Variants in SYT1 observed in about 807,000 individuals in gnomAD.
SYT1 encodes the protein synaptotagmin 1.
A neutral mutation model predicts 44.8 loss-of-function variants in SYT1; 8 were observed. That is an observed-to-expected ratio of 0.18 (90% CI 0.10 to 0.32). SYT1 has a LOEUF of 0.32. Ranked by LOEUF, SYT1 falls within the 10% of genes least tolerant of loss-of-function variation. The pLI is 1.00. For synonymous variants in SYT1, 154 were observed against 188.8 expected (o/e 0.82, Z 1.51); for missense variants, 286 against 509.3 (o/e 0.56, Z 4.22).
chr12:79,338,321 G>A (rs1383068352), intron 8 of SYT1, among the ~76,000 whole-genome samples: 2 of 148,956 alleles, frequency 1.3e-5, no homozygotes, highest in Non-Finnish European at 3.0e-5. Flanking sequence ...CTGTCACCCA[G>A]GCTGGAGGGC....
chr12:79,044,792 A>G (rs1309259011), intron 2 of SYT1, among the ~76,000 whole-genome samples: 1 of 149,210 alleles, frequency 6.7e-6, no homozygotes, highest in Non-Finnish European at 1.5e-5. Flanking sequence ...ATGGTGATGT[A>G]CAGATGGGTT....
chr12:79,172,390 A>C (rs571311357), intron 3 of SYT1, among the ~76,000 whole-genome samples: 2 of 152,148 alleles, frequency 1.3e-5, no homozygotes, highest in African/African-American at 4.8e-5. Flanking sequence ...TGGGACACAG[A>C]GTAAAATTAT....
At chr12:79,440,949 GGACGA>G (rs2136195939) in intron 9 of SYT1, among the ~76,000 whole-genome samples, 1 of 152,264 alleles carries the variant, frequency 6.6e-6, no homozygotes, top group South Asian at 2.1e-4. Context: ...CCCAAGTTCA[GGACGA>G]GACTTCAATA....
At chr12:79,424,912 C>T (rs1370730684) in intron 9 of SYT1, among the ~76,000 whole-genome samples, 3 of 141,586 alleles carry the variant, frequency 2.1e-5, no homozygotes, top group Non-Finnish European at 3.1e-5. Context: ...TTTTCAGCTG[C>T]TGCCCTTTTT....
chr12:79,222,619 G>T (rs1215895723), intron 4 of SYT1, among the ~76,000 whole-genome samples: 4 of 152,112 alleles, frequency 2.6e-5, no homozygotes, highest in African/African-American at 9.7e-5. Flanking sequence ...CTGACCTCGG[G>T]TGATCCACCC....
At chr12:78,889,332 A>G (rs979963892) in intron 1 of SYT1, among the ~76,000 whole-genome samples, 1 of 151,940 alleles carries the variant, frequency 6.6e-6, no homozygotes, top group Non-Finnish European at 1.5e-5. Context: ...TGAGACTCCA[A>G]AAAAGTTAAG....
At chr12:79,216,501 C>T (rs1478097536) in intron 3 of SYT1, among the ~76,000 whole-genome samples, 2 of 152,262 alleles carry the variant, frequency 1.3e-5, no homozygotes, top group East Asian at 3.9e-4. Flanking sequence ...ACCTTCCTTA[C>T]ATTTGTACCT....
chr12:79,403,327 A>G (rs148268824), intron 9 of SYT1, among the ~76,000 whole-genome samples: 67 of 152,278 alleles, frequency 4.4e-4, no homozygotes, highest in African/African-American at 1.5e-3. Context: ...GGCTCATTCA[A>G]TTTTAGAGTT....
intron 3 of SYT1, among the ~76,000 whole-genome samples, chr12:79,191,109 A>ATG (rs1008775353): frequency 1.3e-5 from 2 of 151,302 alleles, no homozygotes; most frequent in African/African-American, 4.9e-5. Context: ...AAATATATAT[A>ATG]TATGTATAAA....
intron 3 of SYT1, among the ~76,000 whole-genome samples, chr12:79,090,565 G>T (rs373431917): frequency 6.6e-6 from 1 of 151,952 alleles, no homozygotes; most frequent in Non-Finnish European, 1.5e-5. Context: ...TAATAAGTTG[G>T]TTTAGGAGTG....
intron 2 of SYT1, among the ~76,000 whole-genome samples, chr12:78,980,922 A>G (rs1484993502): frequency 3.3e-5 from 5 of 151,940 alleles, no homozygotes; most frequent in Admixed American, 2.6e-4. Context: ...GCCAGGGGGG[A>G]GAGGGAGATG....
chr12:79,143,229 A>C (rs1869670786), intron 3 of SYT1, among the ~76,000 whole-genome samples: 1 of 152,200 alleles, frequency 6.6e-6, no homozygotes, highest in South Asian at 2.1e-4. Context: ...TCATTTATAC[A>C]CACATAACAT....
chr12:79,241,957 G>GAT (rs1336928150), intron 4 of SYT1, among the ~76,000 whole-genome samples: 15 of 152,284 alleles, frequency 9.9e-5, no homozygotes, highest in Admixed American at 5.9e-4. Context: ...AGATTAGAGT[G>GAT]ATACATCTAT....
intron 3 of SYT1, among the ~76,000 whole-genome samples, chr12:79,152,339 A>C (rs1226281442): frequency 6.6e-6 from 1 of 152,124 alleles, no homozygotes; most frequent in African/African-American, 2.4e-5. Flanking sequence ...GGAAGTTGGC[A>C]GTGGAAAGGA....
intron 4 of SYT1, among the ~76,000 whole-genome samples, chr12:79,255,721 G>A (rs1240930018): frequency 6.6e-6 from 1 of 152,208 alleles, no homozygotes; most frequent in Admixed American, 6.5e-5. Flanking sequence ...ACAAGACTCT[G>A]TGGAATTGAA....
intron 3 of SYT1, among the ~76,000 whole-genome samples, chr12:79,201,690 G>A (rs1873798512): frequency 6.6e-6 from 1 of 152,134 alleles, no homozygotes; most frequent in African/African-American, 2.4e-5. Flanking sequence ...AATAAACTTG[G>A]AGTCCTAGTC....
At chr12:78,994,262 T>C (rs1024945308) in intron 2 of SYT1, among the ~76,000 whole-genome samples, 3 of 152,178 alleles carry the variant, frequency 2.0e-5, no homozygotes, top group Admixed American at 2.0e-4. Flanking sequence ...AAGTGAGCCT[T>C]TATCATTTCA....
intron 1 of SYT1, among the ~76,000 whole-genome samples, chr12:78,865,656 A>G (rs1565692581): frequency 6.6e-6 from 1 of 152,050 alleles, no homozygotes; most frequent in Non-Finnish European, 1.5e-5. Flanking sequence ...GGAGTAGACA[A>G]CCAGTCCAGC....
At chr12:79,049,268 G>A (rs879605717) in intron 3 of SYT1, among the ~76,000 whole-genome samples, 6 of 151,594 alleles carry the variant, frequency 4.0e-5, no homozygotes, top group African/African-American at 7.3e-5. Flanking sequence ...AGCATACCTC[G>A]GAGACATCTC....
Sources: gnomAD v4.1 joint callset for allele counts (sites outside exome capture counted in the v4.1 genomes callset) on GRCh38, gnomAD v4.1.1 for gene constraint, MANE v1.5 for transcripts, NCBI Gene and HGNC (gene_info 2026-07-23, HGNC 2026-07-21) for gene names.